The following KLHL29 variants were observed in gnomAD, a reference collection of about 807,000 sequenced individuals.
KLHL29 encodes the protein kelch like family member 29.
In KLHL29, 21 loss-of-function variants were observed where a neutral mutation model predicts 80.4. The ratio of observed to expected loss-of-function variants is 0.26; its 90% CI spans 0.19 to 0.38. The LOEUF is 0.38. Among genes scored for constraint, KLHL29 ranks in the 10% least tolerant of loss-of-function variants. KLHL29 has a pLI of 1.00. For missense variants in KLHL29, 867 were observed against 1,223.9 expected (o/e 0.71, Z 4.35); for synonymous variants, 511 against 526.8 (o/e 0.97, Z 0.41).
At chr2:23,572,576 A>G (rs1249510927) in intron 3 of KLHL29, among the ~76,000 whole-genome samples, 1 of 152,226 alleles carries the variant, frequency 6.6e-6, no homozygotes, top group African/African-American at 2.4e-5. Flanking sequence ...ATTAATATAT[A>G]TGAATATTTA....
At chr2:23,541,004 G>A (rs546201179) in intron 2 of KLHL29, among the ~76,000 whole-genome samples, 4 of 152,194 alleles carry the variant, frequency 2.6e-5, no homozygotes, top group South Asian at 4.1e-4. Flanking sequence ...GCCTGGTCAC[G>A]TGCTTACCCC....
intron 3 of KLHL29, among the ~76,000 whole-genome samples, chr2:23,577,028 C>T (rs1488166531): frequency 6.6e-6 from 1 of 152,182 alleles, no homozygotes; most frequent in Non-Finnish European, 1.5e-5. Context: ...TGAAGGACTC[C>T]ACCACCTGCT....
At chr2:23,639,849 C>A (rs913157338) in intron 4 of KLHL29, among the ~76,000 whole-genome samples, 2 of 152,192 alleles carry the variant, frequency 1.3e-5, no homozygotes, top group Admixed American at 1.3e-4. Context: ...AGACCCCCTT[C>A]ATCCCCCTCT....
intron 4 of KLHL29, among the ~76,000 whole-genome samples, chr2:23,639,923 C>T (rs1330584442): frequency 6.6e-6 from 1 of 152,182 alleles, no homozygotes; most frequent in Non-Finnish European, 1.5e-5. Context: ...GATTCCAGGC[C>T]CTTTGCCTTC....
intron 2 of KLHL29, among the ~76,000 whole-genome samples, chr2:23,551,800 C>A (rs1332994777): frequency 6.6e-6 from 1 of 152,174 alleles, no homozygotes; most frequent in Admixed American, 6.5e-5. Flanking sequence ...GTTAAAAATG[C>A]AGATTCTGAC....
intron 1 of KLHL29, among the ~76,000 whole-genome samples, chr2:23,409,587 C>T (rs917938851): frequency 3.9e-5 from 6 of 152,258 alleles, no homozygotes; most frequent in Non-Finnish European, 8.8e-5. Flanking sequence ...TTGTAACTAT[C>T]TCCTATGAAG....
At chr2:23,517,768 C>T (rs960006110) in intron 2 of KLHL29, among the ~76,000 whole-genome samples, 1 of 152,246 alleles carries the variant, frequency 6.6e-6, no homozygotes, top group Non-Finnish European at 1.5e-5. Flanking sequence ...CACATTTGCT[C>T]AGCAGCTCCC....
At position 23,681,436 on chromosome 2, in the gene KLHL29, T is replaced by C. The variant is rs1318261577; in HGVS notation, c.941-2963T>C. On this transcript the variant is annotated intron_variant, in intron 5 of 13. Transcript: ENST00000486442. The surrounding 1 kb of genome is among the most constrained non-coding windows in gnomAD (Gnocchi z 4.2). ...TCACGGCCGGGGCTGGGGCTTTAGA[T>C]AGAATCATTGCCGGGACCTCGATTT... Among the ~76,000 whole-genome samples the C allele has an allele frequency of 6.6e-6, 1 of 152,134 alleles. No homozygotes were observed. Among genetic ancestry groups the C allele is most frequent in the African/African-American group, 2.4e-5 (1 of 41,428 alleles).
At chr2:23,661,653 C>T (rs1670412185) in intron 5 of KLHL29, among the ~76,000 whole-genome samples, 1 of 152,238 alleles carries the variant, frequency 6.6e-6, no homozygotes, top group Non-Finnish European at 1.5e-5. Context: ...AGAGGTGCCC[C>T]CACAGTGCCC....
At chr2:23,415,702 T>C (rs185165322) in intron 1 of KLHL29, among the ~76,000 whole-genome samples, 37 of 151,936 alleles carry the variant, frequency 2.4e-4, no homozygotes, top group African/African-American at 8.5e-4. Context: ...AGGTAGTCTT[T>C]TTATTTTTTT....
intron 3 of KLHL29, among the ~76,000 whole-genome samples, chr2:23,588,117 C>T (rs1288841413): frequency 6.6e-6 from 1 of 152,212 alleles, no homozygotes; most frequent in African/African-American, 2.4e-5. Context: ...TTTGGGCTTG[C>T]CCCTGCCCTG....
chr2:23,642,906 G>A (rs558443789), intron 5 of KLHL29, 56 bp downstream of exon 5: 47 of 1,539,082 alleles, frequency 3.1e-5, no homozygotes, highest in South Asian at 2.4e-4. Context: ...CTCCCTGCGC[G>A]GTCACTGCAA....
At chr2:23,628,037 C>T (rs1053489806) in intron 3 of KLHL29, among the ~76,000 whole-genome samples, 1 of 151,588 alleles carries the variant, frequency 6.6e-6, no homozygotes, top group Admixed American at 6.6e-5. Context: ...CTCAGCCTCC[C>T]GAGTAGCTGG....
intron 3 of KLHL29, among the ~76,000 whole-genome samples, chr2:23,621,176 C>CCAGCAGCAG (rs201529828): frequency 1.3e-5 from 2 of 152,008 alleles, no homozygotes; most frequent in African/African-American, 2.4e-5. Context: ...CAGTTCTCAC[C>CCAGCAGCAG]CAGCAGCAGC....
chr2:23,587,507 C>G (rs1160017600), intron 3 of KLHL29, among the ~76,000 whole-genome samples: 1 of 152,182 alleles, frequency 6.6e-6, no homozygotes, highest in African/African-American at 2.4e-5. Context: ...CCGAGTCCCC[C>G]CTCCACTGCC....
intron 3 of KLHL29, among the ~76,000 whole-genome samples, chr2:23,569,148 T>C (rs1463062463): frequency 2.0e-5 from 3 of 152,240 alleles, no homozygotes; most frequent in Non-Finnish European, 4.4e-5. Flanking sequence ...GCTAACCTAC[T>C]GATTTGGAAT....
chr2:23,550,028 C>T (rs1005336893), intron 2 of KLHL29, among the ~76,000 whole-genome samples: 1 of 152,172 alleles, frequency 6.6e-6, no homozygotes. Flanking sequence ...CCTGCCTGCT[C>T]CAGCCCAGCG....
Position 23,696,257 on chromosome 2 carries a change from C to A in KLHL29, c.1925-76C>A, listed in dbSNP as rs745837310. ...ACTTTGCAGGTGAAGCCTTCCTCTG[C>A]CCCTGGGGCTGGGCCTGCTGACCCC... On this transcript the variant is annotated intron_variant, in intron 10 of 13. Transcript: ENST00000486442. This position sits in a 1 kb window ranked among gnomAD's most constrained non-coding sequence, Gnocchi z 5.5. The A allele has an allele frequency of 6.7e-5, 100 of 1,497,420 alleles. No homozygotes were observed. Among genetic ancestry groups the A allele is most frequent in the Non-Finnish European group, 8.4e-5 (93 of 1,103,474 alleles). The allele number at this position is 1,497,420 out of a possible 1,614,324, so 92.8% of individuals were successfully genotyped here. A position where few individuals can be genotyped will look rare whatever the true frequency, so the allele number is the denominator to read the frequency against.
intron 2 of KLHL29, among the ~76,000 whole-genome samples, chr2:23,486,484 G>A (rs1378957562): frequency 1.3e-5 from 2 of 152,158 alleles, no homozygotes; most frequent in African/African-American, 4.8e-5. Flanking sequence ...CCAAGGACCA[G>A]TCAGGCTCTG....
Sources: gnomAD v4.1 joint callset for allele counts (sites outside exome capture counted in the v4.1 genomes callset) on GRCh38, gnomAD v4.1.1 for gene constraint, Gnocchi (gnomAD v3.1) non-coding constraint, MANE v1.5 for transcripts, NCBI Gene and HGNC (gene_info 2026-07-23, HGNC 2026-07-21) for gene names.